The following CAPSL variants were observed in gnomAD, a reference collection of about 807,000 sequenced individuals.
CAPSL encodes the protein calcyphosin-like protein.
CAPSL carries 17 observed loss-of-function variants against 21.3 expected under a neutral mutation model. The observed-to-expected ratio is 0.80, with a 90% CI of 0.55 to 1.20. CAPSL has a LOEUF of 1.20. Ranked by LOEUF, CAPSL falls within the 50% of genes most tolerant of loss-of-function variation. CAPSL has a pLI of 0.00. For missense variants in CAPSL, 289 were observed against 259.3 expected (o/e 1.11, Z -0.79); for synonymous variants, 102 against 89.3 (o/e 1.14, Z -0.80).
At chr5:35,917,840 C>G (rs376327090) in intron 2 of CAPSL, among the ~76,000 whole-genome samples, 1 of 151,826 alleles carries the variant, frequency 6.6e-6, no homozygotes, top group Non-Finnish European at 1.5e-5. Context: ...GCGTTGTGCA[C>G]GTGTATCCTA....
intron 1 of CAPSL, among the ~76,000 whole-genome samples, chr5:35,930,309 C>T (rs1738788129): frequency 6.6e-6 from 1 of 151,090 alleles, no homozygotes; most frequent in African/African-American, 2.4e-5. Context: ...ATAGTCTTTA[C>T]TTCTTTCTAT....
Position 35,905,550 on chromosome 5 carries a change from C to T in CAPSL, c.526-904G>A, listed in dbSNP as rs779745298. On this transcript the variant is annotated intron_variant, in intron 4 of 4. Transcript: ENST00000651391. ...TAAGGAAGGGCAGTAGAAAGAAAGGCATTTGAACTCAGCTCATAGTTGAAC... is the reference window on the plus strand; with the variant it reads ...TAAGGAAGGGCAGTAGAAAGAAAGGTATTTGAACTCAGCTCATAGTTGAAC... 7.2e-5 allele frequency among the ~76,000 whole-genome samples: 11 copies of T among 152,202 alleles called. No individual in the cohort carries two copies. In the East Asian group the frequency reaches 1.2e-3, roughly 16 times the overall value.
At chr5:35,934,892 A>C (rs1738905446) in intron 1 of CAPSL, among the ~76,000 whole-genome samples, 2 of 152,168 alleles carry the variant, frequency 1.3e-5, no homozygotes, top group South Asian at 4.1e-4. Context: ...GATTGGTACA[A>C]TATCTTTATC....
intron 1 of CAPSL, among the ~76,000 whole-genome samples, chr5:35,937,324 A>T (rs1738975670): frequency 6.6e-6 from 1 of 152,234 alleles, no homozygotes; most frequent in African/African-American, 2.4e-5. Flanking sequence ...CATTGAATTC[A>T]TGCATTGGCC....
At chr5:35,921,215 C>T in intron 1 of CAPSL, 95 bp from the exon 2 acceptor site, 1 of 1,426,208 alleles carries the variant, frequency 7.0e-7, no homozygotes, top group South Asian at 1.4e-5. Flanking sequence ...AGGAAATTTA[C>T]AGCCTTCTCT....
chr5:35,935,799 T>C (rs905157601), intron 1 of CAPSL, among the ~76,000 whole-genome samples: 1 of 152,176 alleles, frequency 6.6e-6, no homozygotes, highest in African/African-American at 2.4e-5. Context: ...TTATCCATTT[T>C]ACACACTCTG....
rs1230315504 is a variant in CAPSL at position 35,910,446 on chromosome 5, C to A, written c.235G>T (p.Glu79Ter). ...AACCTCCGGAAAAGTTCTTCCACCT[C>A]TTCTTTTTCCATGACCACAGCATAA... Reference protein sequence around the residue: ...NDYAVVMEKEEVEELFRRFDK... With the variant: ...NDYAVVMEKE Residue 79 changes from glutamate (E) to a stop codon, truncating the protein, a stop_gained, in exon 3 of 5, where the codon GAG becomes TAG. Coordinates refer to ENST00000651391, the MANE Select transcript of CAPSL (RefSeq NM_001042625.2). LOFTEE classifies it high-confidence loss of function. 26 of 1,613,610 alleles carry A rather than the reference C, an allele frequency of 1.6e-5. No individual in the cohort carries two copies. The highest frequency in any genetic ancestry group is 2.0e-5 in the Non-Finnish European group (24 of 1,179,680).
chr5:35,926,937 T>C (rs1738700505), intron 1 of CAPSL, among the ~76,000 whole-genome samples: 1 of 152,136 alleles, frequency 6.6e-6, no homozygotes, highest in Non-Finnish European at 1.5e-5. Context: ...CCGAAGCAGG[T>C]TTAGTCAGCT....
intron 1 of CAPSL, among the ~76,000 whole-genome samples, chr5:35,924,445 G>A (rs1738615020): frequency 2.6e-5 from 4 of 152,182 alleles, no homozygotes; most frequent in African/African-American, 9.6e-5. Flanking sequence ...GTGGGATCGA[G>A]TCCAGGAAGG....
chr5:35,913,110 G>A (rs1738276666), intron 2 of CAPSL, among the ~76,000 whole-genome samples: 1 of 152,206 alleles, frequency 6.6e-6, no homozygotes, highest in Non-Finnish European at 1.5e-5. Context: ...GGGTATCAGT[G>A]ATGGAAGATC....
At chr5:35,920,211 G>T (rs546615576) in intron 2 of CAPSL, among the ~76,000 whole-genome samples, 28 of 152,198 alleles carry the variant, frequency 1.8e-4, no homozygotes, top group African/African-American at 6.7e-4. Flanking sequence ...CCTCCCATTG[G>T]CACCCTGTAC....
intron 1 of CAPSL, among the ~76,000 whole-genome samples, chr5:35,928,624 A>G (rs956360018): frequency 6.6e-6 from 1 of 151,738 alleles, no homozygotes; most frequent in Non-Finnish European, 1.5e-5. Flanking sequence ...AATCCCCCCC[A>G]CCCCCAGGAG....
rs371528681 is a variant in CAPSL at position 35,934,602 on chromosome 5, C to A, written c.-1+3939G>T. On this transcript the variant is annotated intron_variant, in intron 1 of 4. Coordinates refer to ENST00000651391, the MANE Select transcript of CAPSL (RefSeq NM_001042625.2). Reference sequence around the variant, plus strand: ...CTGGAGTATTTATTTCCCCAGCTTCCTTTCTGCCAAGCCACAGTTTTTCAG... The same window carrying A: ...CTGGAGTATTTATTTCCCCAGCTTCATTTCTGCCAAGCCACAGTTTTTCAG... Among the ~76,000 whole-genome samples the A allele has an allele frequency of 4.6e-5, 7 of 152,298 alleles. No individual in the cohort carries two copies. In the East Asian group the frequency reaches 1.2e-3, roughly 25 times the overall value.
chr5:35,931,689 A>G (rs777680796), intron 1 of CAPSL, among the ~76,000 whole-genome samples: 24 of 152,224 alleles, frequency 1.6e-4, no homozygotes, highest in South Asian at 6.2e-4. Flanking sequence ...GAAACAGAGT[A>G]AGAAGCTACC....
At chr5:35,922,071 GAA>G (rs35010602) in intron 1 of CAPSL, among the ~76,000 whole-genome samples, 34,353 of 146,170 alleles carry the variant, frequency 0.24, 4,153 homozygotes, top group Non-Finnish European at 0.28. Flanking sequence ...GCAATGTGCA[GAA>G]AAAAAAAAAA....
chr5:35,910,506 G>A lies in CAPSL; in HGVS notation c.175C>T (p.Leu59Phe), dbSNP rs769642485. Residue 59 changes from leucine (L) to phenylalanine (F), a missense_variant, in exon 3 of 5, where the codon CTT (leucine) becomes TTT (phenylalanine). Physicochemically the swap from Leu to Phe is conservative, Grantham distance 22 (BLOSUM62 0). Transcript: ENST00000651391. ...CCTTTCATAAATTCTTTAAAATCAA[G>A]GGTTCGATTATTATCGTCATCCATA... ...RIMDDDNNRTLDFKEFMKGLN... is the reference protein window; with the variant it reads ...RIMDDDNNRTFDFKEFMKGLN... The A allele has an allele frequency of 2.0e-5, 32 of 1,610,578 alleles. No homozygotes were observed. Among genetic ancestry groups the A allele is most frequent in the Admixed American group, 3.3e-5 (2 of 59,774 alleles).
chr5:35,923,275 AGATCCAGCTCCTG>A (rs1738584911), intron 1 of CAPSL, among the ~76,000 whole-genome samples: 1 of 152,206 alleles, frequency 6.6e-6, no homozygotes, highest in African/African-American at 2.4e-5. Flanking sequence ...AGAGAAAGTG[AGATCCAGCTCCTG>A]GATCTGGGAC....
intron 1 of CAPSL, among the ~76,000 whole-genome samples, chr5:35,927,321 G>T (rs1017863133): frequency 5.9e-5 from 9 of 152,180 alleles, no homozygotes; most frequent in African/African-American, 1.9e-4. Context: ...ACCATGTCAT[G>T]ATTTTTAACA....
intron 2 of CAPSL, among the ~76,000 whole-genome samples, chr5:35,917,456 G>A (rs1178345182): frequency 1.3e-5 from 2 of 152,052 alleles, no homozygotes; most frequent in African/African-American, 4.8e-5. Context: ...GCAAAGACTT[G>A]GAACCAACCC....
Sources: gnomAD v4.1 joint callset for allele counts (sites outside exome capture counted in the v4.1 genomes callset) on GRCh38, gnomAD v4.1.1 for gene constraint, MANE v1.5 for transcripts, NCBI Gene and HGNC (gene_info 2026-07-23, HGNC 2026-07-21) for gene names.